RNGTT: variants seen among roughly 807,000 people sequenced by gnomAD.
RNGTT encodes the protein mRNA-capping enzyme.
In RNGTT, 33 loss-of-function variants were observed where a neutral mutation model predicts 79.3. That is an observed-to-expected ratio of 0.42 (90% CI 0.32 to 0.56). RNGTT has a LOEUF of 0.56. RNGTT is among the 20% of genes least tolerant of loss of function. The pLI is 0.17. For synonymous variants in RNGTT, 222 were observed against 235.9 expected (o/e 0.94, Z 0.54); for missense variants, 497 against 739.1 (o/e 0.67, Z 3.80).
At chr6:88,683,153 C>T (rs2756414) in intron 13 of RNGTT, among the ~76,000 whole-genome samples, 40,294 of 151,814 alleles carry the variant, frequency 0.27, 9,329 homozygotes, top group African/African-American at 0.63. Context: ...ATTCATGAAA[C>T]GGAAAACACA....
intron 13 of RNGTT, among the ~76,000 whole-genome samples, chr6:88,687,201 G>T (rs1052837657): frequency 6.6e-6 from 1 of 152,126 alleles, no homozygotes; most frequent in Non-Finnish European, 1.5e-5. Flanking sequence ...AAACTCACTT[G>T]TAACTAGAAA....
intron 13 of RNGTT, among the ~76,000 whole-genome samples, chr6:88,734,359 A>T (rs1777214281): frequency 6.6e-6 from 1 of 152,158 alleles, no homozygotes; most frequent in African/African-American, 2.4e-5. Flanking sequence ...GGAATAATAT[A>T]AAATGTTCAA....
At chr6:88,931,350 C>T (rs1784509070) in intron 2 of RNGTT, among the ~76,000 whole-genome samples, 1 of 151,992 alleles carries the variant, frequency 6.6e-6, no homozygotes, top group Non-Finnish European at 1.5e-5. Flanking sequence ...TTTTTAGTTG[C>T]TTACATACAC....
intron 13 of RNGTT, among the ~76,000 whole-genome samples, chr6:88,699,969 T>A (rs1446003339): frequency 6.6e-6 from 1 of 152,096 alleles, no homozygotes; most frequent in African/African-American, 2.4e-5. Flanking sequence ...TTTGGGATGA[T>A]GAGAAAGTTC....
chr6:88,764,027 C>G (rs1778362152), intron 13 of RNGTT, among the ~76,000 whole-genome samples: 1 of 152,206 alleles, frequency 6.6e-6, no homozygotes, highest in Non-Finnish European at 1.5e-5. Flanking sequence ...TCTGGAGCCT[C>G]TGAATCCTTC....
intron 8 of RNGTT, among the ~76,000 whole-genome samples, chr6:88,871,834 G>A (rs2127921179): frequency 6.6e-6 from 1 of 152,260 alleles, no homozygotes; most frequent in African/African-American, 2.4e-5. Flanking sequence ...AAAGAAGACT[G>A]AGAGTAAAAC....
At chr6:88,833,559 C>T (rs1242470312) in intron 11 of RNGTT, among the ~76,000 whole-genome samples, 3 of 152,134 alleles carry the variant, frequency 2.0e-5, no homozygotes, top group Non-Finnish European at 4.4e-5. Context: ...GCACATGTAT[C>T]CCAGAACTTA....
intron 11 of RNGTT, among the ~76,000 whole-genome samples, chr6:88,807,568 G>A (rs531322110): frequency 6.6e-6 from 1 of 152,198 alleles, no homozygotes; most frequent in African/African-American, 2.4e-5. Flanking sequence ...GAGAATCAAA[G>A]AGCTGGGAGA....
chr6:88,673,326 A>T (rs1446643559), intron 14 of RNGTT, among the ~76,000 whole-genome samples: 1 of 152,254 alleles, frequency 6.6e-6, no homozygotes, highest in Non-Finnish European at 1.5e-5. Context: ...CATCACATTT[A>T]GCTTAATGGG....
At chr6:88,794,755 GCAAT>G (rs2127858184) in intron 12 of RNGTT, among the ~76,000 whole-genome samples, 1 of 152,302 alleles carries the variant, frequency 6.6e-6, no homozygotes, top group Non-Finnish European at 1.5e-5. Context: ...AATCATTTAA[GCAAT>G]CAGTTTTAGT....
intron 1 of RNGTT, among the ~76,000 whole-genome samples, chr6:88,961,529 T>C (rs1211850704): frequency 6.6e-6 from 1 of 152,146 alleles, no homozygotes; most frequent in African/African-American, 2.4e-5. Flanking sequence ...CTCCGTCTCC[T>C]GGGTTCAAGT....
chr6:88,806,973 G>A (rs550903813), intron 11 of RNGTT, among the ~76,000 whole-genome samples: 6 of 152,192 alleles, frequency 3.9e-5, no homozygotes, highest in African/African-American at 1.2e-4. Flanking sequence ...CATTATCCTC[G>A]GCAAACTAAC....
chr6:88,722,154 C>T (rs1776730568), intron 13 of RNGTT, among the ~76,000 whole-genome samples: 2 of 150,812 alleles, frequency 1.3e-5, no homozygotes, highest in Admixed American at 1.3e-4. Flanking sequence ...TTTAAATAGG[C>T]CAATGTCATT....
chr6:88,885,712 A>G (rs1467402255), intron 8 of RNGTT, among the ~76,000 whole-genome samples: 1 of 152,264 alleles, frequency 6.6e-6, no homozygotes, highest in Non-Finnish European at 1.5e-5. Context: ...CATGGCAGAC[A>G]TGCCTTTATC....
intron 6 of RNGTT, among the ~76,000 whole-genome samples, chr6:88,902,378 T>C (rs1243672554): frequency 6.6e-6 from 1 of 152,086 alleles, no homozygotes; most frequent in African/African-American, 2.4e-5. Flanking sequence ...GGCAGGAAGA[T>C]TACTTTAGGC....
chr6:88,956,223 T>TTA (rs1785427488), intron 1 of RNGTT, among the ~76,000 whole-genome samples: 1 of 151,616 alleles, frequency 6.6e-6, no homozygotes, highest in Non-Finnish European at 1.5e-5. Context: ...TATGAATACT[T>TTA]TATATGCACA....
intron 11 of RNGTT, among the ~76,000 whole-genome samples, chr6:88,813,877 T>G (rs1780224124): frequency 6.6e-6 from 1 of 152,172 alleles, no homozygotes; most frequent in East Asian, 1.9e-4. Flanking sequence ...CTTTTTGAGG[T>G]CAGGAATCAC....
rs148162834 is a variant in RNGTT, at chr6:88,932,854, A to C, written c.175-3587T>G. Among the ~76,000 whole-genome samples, 840 of 152,340 alleles carry C rather than the reference A, an allele frequency of 5.5e-3. 7 individuals carry two copies. The highest frequency in any genetic ancestry group is 0.019 in the African/African-American group (802 of 41,576). On this transcript the variant is annotated intron_variant, in intron 2 of 15. Coordinates refer to ENST00000369485, the MANE Select transcript of RNGTT (RefSeq NM_003800.5). ...GCACACCTAAACTGAGGCTAAAAAA[A>C]AGTAATAGTAAATTCATACATCTTC...
At chr6:88,755,877 T>C (rs999729606) in intron 13 of RNGTT, among the ~76,000 whole-genome samples, 1 of 149,144 alleles carries the variant, frequency 6.7e-6, no homozygotes, top group Admixed American at 6.8e-5. Flanking sequence ...AGAGAACTGC[T>C]TGAACCTGGG....
Sources: allele counts gnomAD v4.1 joint callset (sites outside exome capture counted in the v4.1 genomes callset), GRCh38; gene constraint gnomAD v4.1.1; transcripts MANE v1.5; gene names NCBI Gene and HGNC (gene_info 2026-07-23, HGNC 2026-07-21).